The following SIMC1 variants were observed in gnomAD, a reference collection of about 807,000 sequenced individuals.
SIMC1 encodes SUMO interacting motifs containing 1.
SIMC1 carries 55 observed loss-of-function variants against 82.3 expected under a neutral mutation model. The observed-to-expected ratio is 0.67, with a 90% CI of 0.54 to 0.84. The LOEUF (loss-of-function observed/expected upper bound fraction) is 0.84, where lower values mean the gene tolerates loss of function less well. Ranked by LOEUF, SIMC1 falls within the 40% of genes least tolerant of loss-of-function variation. SIMC1 has a pLI of 0.00. For synonymous variants in SIMC1, 353 were observed against 426.3 expected (o/e 0.83, Z 2.12); for missense variants, 915 against 1,107.2 (o/e 0.83, Z 2.46).
intron 4 of SIMC1, among the ~76,000 whole-genome samples, chr5:176,297,848 G>A (rs1161688480): frequency 1.3e-5 from 2 of 152,150 alleles, no homozygotes; most frequent in African/African-American, 2.4e-5. Flanking sequence ...TCAAAAAAAG[G>A]GGGGAGGCAT....
intron 4 of SIMC1, among the ~76,000 whole-genome samples, chr5:176,297,141 G>A (rs1198470130): frequency 1.3e-5 from 2 of 152,154 alleles, no homozygotes; most frequent in Non-Finnish European, 2.9e-5. Context: ...TCATTGCTGA[G>A]GGCAGAAGGA....
rs1221863033 is a variant in SIMC1, at chr5:176,322,420, T to C, written c.2037T>C (p.Asn679=). The change falls in exon 6 of 10, where the codon AAT becomes AAC. Residue 679 remains asparagine, a synonymous_variant. Coordinates refer to ENST00000429602, the MANE Select transcript of SIMC1 (RefSeq NM_001308195.2). ...AGCCCAACCTGACAAAGAACACCAA[T>C]CAGCTGTAAGGGGCAGGCAGTTCTC... ...SSQPNLTKNT[N]QLIVCQLQRM... 6.2e-7 allele frequency: 1 copy of C among 1,608,176 alleles called. No individual in the cohort carries two copies. The highest frequency in any genetic ancestry group is 2.2e-5 in the East Asian group (1 of 44,778).
intron 1 of SIMC1, among the ~76,000 whole-genome samples, chr5:176,280,078 A>G (rs1186951456): frequency 6.6e-6 from 1 of 152,052 alleles, no homozygotes; most frequent in Non-Finnish European, 1.5e-5. Flanking sequence ...GTGGGGTGTT[A>G]AAGTCTCCCA....
chr5:176,293,053 T>A (rs891187084), intron 2 of SIMC1, among the ~76,000 whole-genome samples: 1 of 152,208 alleles, frequency 6.6e-6, no homozygotes, highest in East Asian at 1.9e-4. Flanking sequence ...TGACAAATGC[T>A]TACCCTCCAA....
At chr5:176,273,075 A>G (rs1022820568) in intron 1 of SIMC1, among the ~76,000 whole-genome samples, 1 of 152,228 alleles carries the variant, frequency 6.6e-6, no homozygotes, top group Non-Finnish European at 1.5e-5. Context: ...ACAGCTTTGA[A>G]GAGAGTAGTG....
At chr5:176,273,042 G>A (rs182367840) in intron 1 of SIMC1, among the ~76,000 whole-genome samples, 2 of 152,326 alleles carry the variant, frequency 1.3e-5, no homozygotes, top group African/African-American at 4.8e-5. Context: ...AGAAACTTCT[G>A]CAGACTTAAA....
chr5:176,247,483 A>G (rs947984518), intron 1 of SIMC1, among the ~76,000 whole-genome samples: 5 of 151,850 alleles, frequency 3.3e-5, no homozygotes, highest in African/African-American at 1.2e-4. Flanking sequence ...AATTTGTGTA[A>G]GTTCCTTGTA....
At chr5:176,297,839 CA>C in intron 4 of SIMC1, among the ~76,000 whole-genome samples, 1 of 151,850 alleles carries the variant, frequency 6.6e-6, no homozygotes, top group Non-Finnish European at 1.5e-5. Flanking sequence ...AGGAAGTAAT[CA>C]AAAAAAGGGG....
intron 4 of SIMC1, chr5:176,308,668 G>T: frequency 6.4e-7 from 1 of 1,567,848 alleles, no homozygotes; most frequent in Non-Finnish European, 8.8e-7. Context: ...TCCATTGAGG[G>T]CCAGAAGGAA....
At chr5:176,328,940 A>G (rs531614152) in intron 7 of SIMC1, among the ~76,000 whole-genome samples, 1 of 152,292 alleles carries the variant, frequency 6.6e-6, no homozygotes, top group East Asian at 1.9e-4. Context: ...ATTTTAAAAA[A>G]TTGTAGATTC....
At chr5:176,310,894 A>T (rs901874104) in intron 4 of SIMC1, among the ~76,000 whole-genome samples, 8 of 152,188 alleles carry the variant, frequency 5.3e-5, no homozygotes, top group Non-Finnish European at 8.8e-5. Context: ...AATAAAAAAT[A>T]AAAAAGCAAT....
chr5:176,313,925 C>A, intron 5 of SIMC1, 80 bp downstream of exon 5: 1 of 1,574,752 alleles, frequency 6.4e-7, no homozygotes, highest in Non-Finnish European at 8.6e-7. Context: ...GAATATCAGC[C>A]AGGTGAGGTT....
chr5:176,245,383 C>G (rs908418046), intron 1 of SIMC1, among the ~76,000 whole-genome samples: 20 of 152,140 alleles, frequency 1.3e-4, no homozygotes, highest in African/African-American at 4.8e-4. Context: ...TTCCCTGGAG[C>G]CTTCAAGAGA....
At chr5:176,257,202 A>G (rs1471364393) in intron 1 of SIMC1, among the ~76,000 whole-genome samples, 11 of 152,342 alleles carry the variant, frequency 7.2e-5, no homozygotes, top group East Asian at 1.9e-4. Context: ...ATAAAGCAGT[A>G]TATGTGTTAG....
intron 1 of SIMC1, among the ~76,000 whole-genome samples, chr5:176,267,702 T>C (rs1359123105): frequency 8.6e-6 from 1 of 115,796 alleles, no homozygotes; most frequent in African/African-American, 3.4e-5. Context: ...AGTTTTACCT[T>C]AAGTAATTCG....
intron 1 of SIMC1, among the ~76,000 whole-genome samples, chr5:176,260,588 T>C (rs1010256038): frequency 8.1e-5 from 12 of 148,458 alleles, no homozygotes; most frequent in African/African-American, 1.7e-4. Context: ...CGGTTTTTTT[T>C]CTCTGCATTT....
At chr5:176,311,568 GAA>G (rs1467300577) in intron 4 of SIMC1, among the ~76,000 whole-genome samples, 2 of 151,260 alleles carry the variant, frequency 1.3e-5, no homozygotes, top group East Asian at 3.9e-4. Flanking sequence ...AAAAAAGAGA[GAA>G]AGAATTATTT....
chr5:176,308,824 C>A (rs1764537575), intron 4 of SIMC1: 1 of 1,225,254 alleles, frequency 8.2e-7, no homozygotes, highest in Admixed American at 1.7e-5. Context: ...CACAGCCTTA[C>A]ACATCTGGAC....
At chr5:176,246,830 A>G (rs150080552) in intron 1 of SIMC1, among the ~76,000 whole-genome samples, 17,517 of 151,682 alleles carry the variant, frequency 0.12, 1,113 homozygotes, top group Admixed American at 0.15. Context: ...TCATTGTTCA[A>G]CTTCCACTTA....
Sources: allele counts gnomAD v4.1 joint callset (sites outside exome capture counted in the v4.1 genomes callset), GRCh38; gene constraint gnomAD v4.1.1; transcripts MANE v1.5; gene names NCBI Gene and HGNC (gene_info 2026-07-23, HGNC 2026-07-21).